Variants in HIVEP2 observed in about 807,000 individuals in gnomAD.
HIVEP2 encodes the protein HIVEP zinc finger 2, also known as transcription factor HIVEP2.
HIVEP2 carries 14 observed loss-of-function variants against 180.7 expected under a neutral mutation model. That is an observed-to-expected ratio of 0.08 (90% CI 0.05 to 0.12). The LOEUF is 0.12. HIVEP2 is among the 10% of genes least tolerant of loss of function. HIVEP2 has a pLI of 1.00. For missense variants in HIVEP2, 2,579 were observed against 3,008.5 expected (o/e 0.86, Z 3.34); for synonymous variants, 1,184 against 1,136.4 (o/e 1.04, Z -0.84).
intron 2 of HIVEP2, among the ~76,000 whole-genome samples, chr6:142,796,684 T>C (rs1319806778): frequency 6.6e-6 from 1 of 152,198 alleles, no homozygotes; most frequent in African/African-American, 2.4e-5. Context: ...GGAGCACTTC[T>C]AGCATTAGTA....
chr6:142,844,477 A>T (rs1775455169), intron 1 of HIVEP2, among the ~76,000 whole-genome samples: 1 of 152,226 alleles, frequency 6.6e-6, no homozygotes, highest in South Asian at 2.1e-4. Flanking sequence ...GTAAGCATTA[A>T]GAAATGGTAC....
Position 142,773,885 on chromosome 6 carries a change from C to G in HIVEP2, c.854G>C (p.Ser285Thr). The change falls in exon 5 of 10, where the codon AGT becomes ACT. Residue 285 changes from serine (S) to threonine (T), a missense_variant. Around this residue, in one of 11 missense-constraint regions of HIVEP2, gnomAD observed 142 missense variants for 135.2 expected, o/e 1.05. Transcript: ENST00000367603. Reference sequence around the variant, plus strand: ...GTCAGAAGCCTCGGCAAATAAAGAACTCTCCTCATCTGTGTCTGTACTCTG... The same window carrying G: ...GTCAGAAGCCTCGGCAAATAAAGAAGTCTCCTCATCTGTGTCTGTACTCTG... ...GEQSTDTDEE[S>T]SLFAEASDKM... The G allele has an allele frequency of 6.2e-7, 1 of 1,613,728 alleles. No individual in the cohort carries two copies. The highest frequency in any genetic ancestry group is 1.1e-5 in the South Asian group (1 of 91,082).
intron 7 of HIVEP2, among the ~76,000 whole-genome samples, chr6:142,763,058 C>T (rs1456873980): frequency 6.6e-5 from 10 of 152,096 alleles, no homozygotes; most frequent in South Asian, 2.1e-4. Flanking sequence ...CTAAGCATAT[C>T]GGGATAGTTT....
intron 1 of HIVEP2, among the ~76,000 whole-genome samples, chr6:142,912,862 T>C (rs1777449481): frequency 6.6e-6 from 1 of 152,234 alleles, no homozygotes. Flanking sequence ...GTTTAAAGAA[T>C]GGTAAGGTTT....
At chr6:142,931,749 T>C (rs1371149208) in intron 1 of HIVEP2, among the ~76,000 whole-genome samples, 1 of 152,222 alleles carries the variant, frequency 6.6e-6, no homozygotes, top group Admixed American at 6.5e-5. Context: ...GTTCGTTTCA[T>C]TTCATTAAAT....
rs3830758 is a variant in HIVEP2 at position 142,761,579 on chromosome 6, C to CA, written c.5519-15dup. On this transcript the variant is annotated splice_polypyrimidine_tract_variant and intron_variant, in intron 7 of 9. Transcript: ENST00000367603. The stretch of plus-strand genomic sequence containing the variant: ...TCGTTAGGTTTCCTTGAAAATGTAG[C>CA]AAAAAAAAGAGAGAAATTAATTGGT... 1.0e-4 allele frequency: 146 copies of CA among 1,397,656 alleles called. No homozygotes were observed. Among genetic ancestry groups the CA allele is most frequent in the African/African-American group, 2.3e-4 (16 of 69,872 alleles). 86.6% of individuals were successfully genotyped at this position (1,397,656 alleles called of 1,614,324 possible). A position where few individuals can be genotyped will look rare whatever the true frequency, so the allele number is the denominator to read the frequency against.
chr6:142,914,167 CAT>C (rs1449023804), intron 1 of HIVEP2, among the ~76,000 whole-genome samples: 3 of 152,192 alleles, frequency 2.0e-5, no homozygotes, highest in Non-Finnish European at 4.4e-5. Context: ...CATTTTCTCA[CAT>C]GTCAGCCACA....
intron 1 of HIVEP2, among the ~76,000 whole-genome samples, chr6:142,846,166 G>A (rs981974183): frequency 6.6e-6 from 1 of 152,132 alleles, no homozygotes; most frequent in Non-Finnish European, 1.5e-5. Context: ...GTTGCCTTAG[G>A]ACAATAGCAA....
At chr6:142,844,273 A>G (rs951225227) in intron 1 of HIVEP2, among the ~76,000 whole-genome samples, 8 of 152,292 alleles carry the variant, frequency 5.3e-5, no homozygotes, top group African/African-American at 1.7e-4. Context: ...CAATACAAAC[A>G]TAAACATTCA....
chr6:142,861,539 T>C (rs147209179), intron 1 of HIVEP2, among the ~76,000 whole-genome samples: 1 of 152,312 alleles, frequency 6.6e-6, no homozygotes, highest in African/African-American at 2.4e-5. Flanking sequence ...ACTAACAGAA[T>C]TTATTTTAAA....
At chr6:142,917,751 A>G (rs1777592702) in intron 1 of HIVEP2, among the ~76,000 whole-genome samples, 1 of 151,936 alleles carries the variant, frequency 6.6e-6, no homozygotes, top group Non-Finnish European at 1.5e-5. Flanking sequence ...AGCTTCACAC[A>G]CCTTCTCAAA....
intron 1 of HIVEP2, among the ~76,000 whole-genome samples, chr6:142,883,685 T>C (rs1776630304): frequency 6.6e-6 from 1 of 152,138 alleles, no homozygotes; most frequent in Non-Finnish European, 1.5e-5. Context: ...CTTATGAAAG[T>C]AAAGCTAGTC....
At chr6:142,933,224 C>T (rs1344230249) in intron 1 of HIVEP2, among the ~76,000 whole-genome samples, 2 of 152,106 alleles carry the variant, frequency 1.3e-5, no homozygotes, top group Non-Finnish European at 2.9e-5. Context: ...CTCACTGCCT[C>T]GTTTATTTAG....
chr6:142,819,551 G>A (rs1582888004), intron 2 of HIVEP2, among the ~76,000 whole-genome samples: 1 of 152,166 alleles, frequency 6.6e-6, no homozygotes, highest in African/African-American at 2.4e-5. Context: ...TCTACTATAA[G>A]GTAACAACTT....
At chr6:142,852,156 T>C (rs1775697731) in intron 1 of HIVEP2, among the ~76,000 whole-genome samples, 1 of 152,202 alleles carries the variant, frequency 6.6e-6, no homozygotes, top group Non-Finnish European at 1.5e-5. Flanking sequence ...CTTTAAAAAG[T>C]ATAGTCTATT....
intron 1 of HIVEP2, among the ~76,000 whole-genome samples, chr6:142,923,616 T>G (rs373771235): frequency 6.6e-6 from 1 of 152,212 alleles, no homozygotes; most frequent in South Asian, 2.1e-4. Context: ...CAGTTGTACC[T>G]TAGCAAGGCA....
chr6:142,795,502 A>G (rs1456052877), intron 2 of HIVEP2, among the ~76,000 whole-genome samples: 1 of 152,180 alleles, frequency 6.6e-6, no homozygotes, highest in Non-Finnish European at 1.5e-5. Context: ...ATTTTGTCCA[A>G]TTTCTATCAG....
chr6:142,863,470 A>T (rs1038182375), intron 1 of HIVEP2, among the ~76,000 whole-genome samples: 1 of 152,182 alleles, frequency 6.6e-6, no homozygotes, highest in African/African-American at 2.4e-5. Context: ...TACAAAAAAT[A>T]GCTTTTCTAA....
intron 2 of HIVEP2, among the ~76,000 whole-genome samples, chr6:142,815,848 T>C (rs1776819777): frequency 6.6e-6 from 1 of 152,234 alleles, no homozygotes; most frequent in African/African-American, 2.4e-5. Context: ...GAATAAGAAC[T>C]GCGTCTTATA....
Sources: allele counts gnomAD v4.1 joint callset (sites outside exome capture counted in the v4.1 genomes callset), GRCh38; gene constraint gnomAD v4.1.1; regional missense constraint gnomAD v4.1.1; transcripts MANE v1.5; gene names NCBI Gene and HGNC (gene_info 2026-07-23, HGNC 2026-07-21).